MAGI1: variants seen among roughly 807,000 people sequenced by gnomAD.
MAGI1 encodes the protein membrane-associated guanylate kinase, WW and PDZ domain-containing protein 1.
MAGI1 carries 58 observed loss-of-function variants against 139.9 expected under a neutral mutation model. The observed-to-expected ratio is 0.41, with a 90% CI of 0.34 to 0.52. MAGI1 has a LOEUF of 0.52. Among genes scored for constraint, MAGI1 ranks in the 20% least tolerant of loss-of-function variants. The pLI, the probability that MAGI1 is intolerant of heterozygous loss-of-function variation, is 0.12. For missense variants in MAGI1, 1,874 were observed against 1,901.6 expected, an observed-to-expected ratio of 0.99 and a Z score of 0.27; for synonymous variants, 812 against 737.9, an observed-to-expected ratio of 1.10 and a Z score of -1.63.
chr3:65,434,243 A>G (rs1469151943), intron 10 of MAGI1, among the ~76,000 whole-genome samples: 11 of 152,184 alleles, frequency 7.2e-5, no homozygotes, highest in Admixed American at 7.2e-4. Flanking sequence ...TAATGATGAT[A>G]CCTATTTCAC....
intron 2 of MAGI1, among the ~76,000 whole-genome samples, chr3:65,524,784 G>A (rs1019977810): frequency 6.6e-6 from 1 of 152,098 alleles, no homozygotes; most frequent in Non-Finnish European, 1.5e-5. Flanking sequence ...GTGGTCACTC[G>A]CATTCTAACT....
At chr3:65,524,158 A>C (rs541659065) in intron 2 of MAGI1, among the ~76,000 whole-genome samples, 1 of 152,348 alleles carries the variant, frequency 6.6e-6, no homozygotes, top group South Asian at 2.1e-4. Context: ...TTTTGACAGC[A>C]ATCTTTCACA....
At chr3:65,395,882 G>C (rs1944355559) in intron 13 of MAGI1, among the ~76,000 whole-genome samples, 1 of 151,920 alleles carries the variant, frequency 6.6e-6, no homozygotes, top group African/African-American at 2.4e-5. Flanking sequence ...TGTCGCTACT[G>C]GGTGGTGAAT....
At chr3:65,780,308 C>T (rs1185466768) in intron 1 of MAGI1, among the ~76,000 whole-genome samples, 2 of 152,162 alleles carry the variant, frequency 1.3e-5, no homozygotes, top group Non-Finnish European at 2.9e-5. Context: ...ACAGGAGTGA[C>T]ACATCACGCC....
intron 1 of MAGI1, among the ~76,000 whole-genome samples, chr3:65,992,936 C>T (rs577116785): frequency 5.9e-5 from 9 of 152,208 alleles, no homozygotes; most frequent in African/African-American, 1.4e-4. Flanking sequence ...AAGATCCTCC[C>T]GCCTCAGCCT....
chr3:66,014,245 C>T (rs2067501902), intron 1 of MAGI1, among the ~76,000 whole-genome samples: 1 of 152,208 alleles, frequency 6.6e-6, no homozygotes, highest in Non-Finnish European at 1.5e-5. Flanking sequence ...CAAACCGAGA[C>T]ATATGGTCAC....
chr3:65,837,499 C>A (rs555758600), intron 1 of MAGI1, among the ~76,000 whole-genome samples: 9 of 152,326 alleles, frequency 5.9e-5, no homozygotes, highest in Middle Eastern at 3.4e-3. Flanking sequence ...CCAGCTCACA[C>A]AAGGGAACCA....
chr3:65,719,176 G>A (rs2032677205), intron 1 of MAGI1, among the ~76,000 whole-genome samples: 1 of 151,880 alleles, frequency 6.6e-6, no homozygotes, highest in South Asian at 2.1e-4. Flanking sequence ...TCCACAAACA[G>A]CAGTCTAACT....
At chr3:65,961,035 A>C (rs2064398581) in intron 1 of MAGI1, among the ~76,000 whole-genome samples, 1 of 152,250 alleles carries the variant, frequency 6.6e-6, no homozygotes, top group African/African-American at 2.4e-5. Context: ...GATATGCCAA[A>C]TGAGAAATAA....
chr3:65,639,927 A>G (rs2084890779), intron 1 of MAGI1, among the ~76,000 whole-genome samples: 1 of 151,654 alleles, frequency 6.6e-6, no homozygotes, highest in African/African-American at 2.4e-5. Context: ...GCTTGAACCC[A>G]GGAAGCAGAG....
At chr3:65,587,456 T>C (rs932050639) in intron 2 of MAGI1, among the ~76,000 whole-genome samples, 1 of 151,792 alleles carries the variant, frequency 6.6e-6, no homozygotes, top group African/African-American at 2.4e-5. Context: ...TTCTTTGCCA[T>C]TTTATTTTAT....
chr3:65,768,514 CT>C (rs1357583399), intron 1 of MAGI1, among the ~76,000 whole-genome samples: 1 of 152,072 alleles, frequency 6.6e-6, no homozygotes, highest in Admixed American at 6.5e-5. Context: ...CAAGTTTTTT[CT>C]TCATTGTTTG....
chr3:65,534,522 A>G (rs1304701740), intron 2 of MAGI1, among the ~76,000 whole-genome samples: 1 of 151,950 alleles, frequency 6.6e-6, no homozygotes, highest in African/African-American at 2.4e-5. Flanking sequence ...GGATTTGGAA[A>G]GAGAGAGAGA....
chr3:65,549,412 G>A (rs1306156686), intron 2 of MAGI1: 2 of 984,994 alleles, frequency 2.0e-6, no homozygotes, highest in Non-Finnish European at 2.4e-6. Context: ...CGTTACCTGC[G>A]GGCCCCGGAG....
chr3:65,384,240 C>A (rs1321117628), intron 14 of MAGI1, among the ~76,000 whole-genome samples: 10 of 152,224 alleles, frequency 6.6e-5, no homozygotes, highest in African/African-American at 2.4e-5. Context: ...TTTCTGCATA[C>A]AGTCAGTCCT....
intron 1 of MAGI1, among the ~76,000 whole-genome samples, chr3:65,771,044 C>T (rs764497543): frequency 6.6e-6 from 1 of 151,772 alleles, no homozygotes; most frequent in African/African-American, 2.4e-5. Flanking sequence ...TTACAGATTA[C>T]ACCTGTAATC....
intron 1 of MAGI1, among the ~76,000 whole-genome samples, chr3:65,991,306 G>GAAAAA (rs2066160682): frequency 1.1e-5 from 1 of 93,502 alleles, no homozygotes; most frequent in African/African-American, 5.0e-5. Context: ...AAAAAAAAAG[G>GAAAAA]TAAAAAAAAA....
intron 1 of MAGI1, among the ~76,000 whole-genome samples, chr3:66,012,584 G>A (rs969314649): frequency 2.0e-5 from 3 of 152,024 alleles, no homozygotes; most frequent in African/African-American, 4.8e-5. Flanking sequence ...TGGCCAACAT[G>A]GCGAAACCCC....
At chr3:65,753,611 C>T (rs965236274) in intron 1 of MAGI1, among the ~76,000 whole-genome samples, 4 of 151,290 alleles carry the variant, frequency 2.6e-5, no homozygotes, top group African/African-American at 9.7e-5. Flanking sequence ...ATCCCAGCTA[C>T]TCGGGAGGCT....
Sources: allele counts gnomAD v4.1 joint callset (sites outside exome capture counted in the v4.1 genomes callset), GRCh38; gene constraint gnomAD v4.1.1; transcripts MANE v1.5; gene names NCBI Gene and HGNC (gene_info 2026-07-23, HGNC 2026-07-21).